Variants in PRKD1 observed in about 807,000 individuals in gnomAD.
PRKD1 encodes serine/threonine-protein kinase D1.
A neutral mutation model predicts 95.9 loss-of-function variants in PRKD1; 63 were observed. The ratio of observed to expected loss-of-function variants is 0.66; its 90% CI spans 0.54 to 0.81. The LOEUF (loss-of-function observed/expected upper bound fraction) is 0.81, where lower values mean the gene tolerates loss of function less well. Ranked by LOEUF, PRKD1 falls within the 30% of genes least tolerant of loss-of-function variation. The probability of loss-of-function intolerance (pLI) is 0.00; values close to 1 mark genes in which losing one functional copy is unlikely to be tolerated. For missense variants in PRKD1, 1,048 were observed against 1,165.3 expected (o/e 0.90, Z 1.47); for synonymous variants, 425 against 423.1 (o/e 1.00, Z -0.05).
At chr14:29,825,260 C>T in intron 1 of PRKD1, among the ~76,000 whole-genome samples, 1 of 152,070 alleles carries the variant, frequency 6.6e-6, no homozygotes. Flanking sequence ...GTATAAAAGA[C>T]TGTTTATTTA....
chr14:29,857,001 C>A (rs1393928643), intron 1 of PRKD1, among the ~76,000 whole-genome samples: 1 of 152,158 alleles, frequency 6.6e-6, no homozygotes, highest in Admixed American at 6.5e-5. Flanking sequence ...ATCAAACAAA[C>A]CCAAGTGTGA....
intron 16 of PRKD1, among the ~76,000 whole-genome samples, chr14:29,584,172 A>C (rs538946376): frequency 1.3e-5 from 2 of 152,172 alleles, no homozygotes; most frequent in East Asian, 3.9e-4. Flanking sequence ...TATAGATTCC[A>C]TTTTTTCTAA....
At chr14:29,605,690 C>T (rs1181177791) in intron 13 of PRKD1, among the ~76,000 whole-genome samples, 1 of 152,150 alleles carries the variant, frequency 6.6e-6, no homozygotes, top group Non-Finnish European at 1.5e-5. Context: ...TTTGTATTCC[C>T]AGTCAATATA....
chr14:29,769,352 C>A (rs1467679934), intron 1 of PRKD1, among the ~76,000 whole-genome samples: 2 of 151,944 alleles, frequency 1.3e-5, no homozygotes, highest in African/African-American at 4.8e-5. Flanking sequence ...GATGACTGTT[C>A]AAGGCCAGGA....
intron 13 of PRKD1, among the ~76,000 whole-genome samples, chr14:29,602,911 C>T (rs377620211): frequency 1.3e-5 from 2 of 152,284 alleles, no homozygotes; most frequent in South Asian, 2.1e-4. Context: ...TGACAGTGTT[C>T]ATTGTCAACT....
At chr14:29,588,666 G>A (rs1893017168) in intron 16 of PRKD1, among the ~76,000 whole-genome samples, 2 of 152,066 alleles carry the variant, frequency 1.3e-5, no homozygotes, top group South Asian at 4.2e-4. Context: ...GAAGAAACTC[G>A]CGTCACTGGT....
intron 1 of PRKD1, among the ~76,000 whole-genome samples, chr14:29,853,930 T>C (rs1892403959): frequency 6.6e-6 from 1 of 152,184 alleles, no homozygotes; most frequent in Non-Finnish European, 1.5e-5. Context: ...TGTAACTTGC[T>C]CCTCCTTGCT....
At chr14:29,812,636 A>T (rs1427361643) in intron 1 of PRKD1, among the ~76,000 whole-genome samples, 1 of 152,154 alleles carries the variant, frequency 6.6e-6, no homozygotes, top group Non-Finnish European at 1.5e-5. Flanking sequence ...AGGAAAAAGT[A>T]CCATGTATAA....
intron 1 of PRKD1, among the ~76,000 whole-genome samples, chr14:29,843,166 G>C (rs1389565581): frequency 6.6e-6 from 1 of 152,218 alleles, no homozygotes; most frequent in East Asian, 1.9e-4. Context: ...AATATGAATG[G>C]TGTCTTTATA....
At chr14:29,679,725 CTTTT>C (rs11299614) in intron 2 of PRKD1, among the ~76,000 whole-genome samples, 2 of 127,744 alleles carry the variant, frequency 1.6e-5, no homozygotes, top group Admixed American at 7.9e-5. Context: ...AGGTACAAAT[CTTTT>C]TTTTTTTTTT....
chr14:29,727,559 A>G (rs965967450), intron 1 of PRKD1, among the ~76,000 whole-genome samples: 11 of 151,072 alleles, frequency 7.3e-5, no homozygotes, highest in African/African-American at 2.4e-4. Context: ...TCCATCTTGA[A>G]TTGATTTTTG....
chr14:29,642,912 A>AT (rs5807544), intron 4 of PRKD1, among the ~76,000 whole-genome samples: 68,903 of 146,456 alleles, frequency 0.47, 18,114 homozygotes, highest in East Asian at 0.67. Context: ...CTGCAGAATG[A>AT]TTTTTTTTTT....
intron 13 of PRKD1, among the ~76,000 whole-genome samples, chr14:29,623,264 G>A (rs567054016): frequency 6.6e-6 from 1 of 152,200 alleles, no homozygotes; most frequent in East Asian, 1.9e-4. Flanking sequence ...GGCAATATTT[G>A]TGGCTGTCTG....
chr14:29,751,806 G>A (rs1489576597), intron 1 of PRKD1, among the ~76,000 whole-genome samples: 3 of 152,154 alleles, frequency 2.0e-5, no homozygotes, highest in African/African-American at 7.2e-5. Flanking sequence ...TGCGATATAA[G>A]CAAATATTCA....
chr14:29,594,786 G>C (rs931199928), intron 16 of PRKD1, among the ~76,000 whole-genome samples: 1 of 152,090 alleles, frequency 6.6e-6, no homozygotes, highest in African/African-American at 2.4e-5. Flanking sequence ...TGTTTGTCAG[G>C]TCCTACAAGC....
rs559367402 is a variant in PRKD1 at position 29,774,510 on chromosome 14, C to G, written c.265-48836G>C. Among the ~76,000 whole-genome samples the G allele has an allele frequency of 3.3e-5, 5 of 152,234 alleles. 1 individual carries two copies. The South Asian group carries it at 1.0e-3, about 32-fold the overall frequency. On this transcript the variant is annotated intron_variant, in intron 1 of 17. Transcript: ENST00000331968. ...GAGGGCTCACTATGACCAGCACCCT[C>G]CTAAGCATTTCATATGCATGAGTTA...
At chr14:29,863,634 A>G (rs993177341) in intron 1 of PRKD1, among the ~76,000 whole-genome samples, 6 of 152,142 alleles carry the variant, frequency 3.9e-5, no homozygotes, top group African/African-American at 1.4e-4. Context: ...ACATATTATA[A>G]CTGAAGAAAA....
chr14:29,654,402 G>A (rs750754076), intron 4 of PRKD1, among the ~76,000 whole-genome samples: 17 of 152,160 alleles, frequency 1.1e-4, no homozygotes, highest in South Asian at 2.1e-4. Flanking sequence ...TCGAACTTCT[G>A]GCCTCAAGTG....
rs1228527833 is a variant in PRKD1, at chr14:29,826,844, C to CATATAT, written c.264+100399_264+100404dup. Among the ~76,000 whole-genome samples, 232 of 28,638 alleles carry CATATAT rather than the reference C, an allele frequency of 8.1e-3. 31 individuals carry two copies. Among genetic ancestry groups the CATATAT allele is most frequent in the South Asian group, 0.013 (9 of 700 alleles). The allele number at this position is 28,638 out of a possible 152,430, so 18.8% of individuals were successfully genotyped here. On this transcript the variant is annotated intron_variant, in intron 1 of 17. Transcript: ENST00000331968. ...ATATATATATATATATATATACACA[C>CATATAT]ATATATATATATATATATATATATA... is the stretch of plus-strand genomic sequence containing the variant.
Sources: gnomAD v4.1 joint callset for allele counts (sites outside exome capture counted in the v4.1 genomes callset) on GRCh38, gnomAD v4.1.1 for gene constraint, MANE v1.5 for transcripts, NCBI Gene and HGNC (gene_info 2026-07-23, HGNC 2026-07-21) for gene names.